PLA2G4D: variants seen among roughly 807,000 people sequenced by gnomAD.
PLA2G4D encodes cytosolic phospholipase A2 delta.
In PLA2G4D, 80 loss-of-function variants were observed where a neutral mutation model predicts 94.4. The observed-to-expected ratio is 0.85, with a 90% CI of 0.71 to 1.02. The LOEUF (loss-of-function observed/expected upper bound fraction) is 1.02. PLA2G4D is among the 50% of genes least tolerant of loss of function. The pLI, the probability that PLA2G4D is intolerant of heterozygous loss-of-function variation, is 0.00. For missense variants in PLA2G4D, 1,050 were observed against 1,034.7 expected (o/e 1.01, Z -0.20); for synonymous variants, 438 against 440.9 (o/e 0.99, Z 0.08).
Position 42,087,671 on chromosome 15 carries a change from T to C in PLA2G4D, c.75A>G (p.Thr25=). 1 of 1,614,166 alleles carries C rather than the reference T, an allele frequency of 6.2e-7. No homozygotes were observed. Among genetic ancestry groups the C allele is most frequent in the Non-Finnish European group, 8.5e-7 (1 of 1,180,022 alleles). ...GGTTCCGCGCCTCCAGGACCCTCAC[T>C]GTGAGCTGCCAGCAGGTAGAGGCCT... is the stretch of plus-strand genomic sequence containing the variant. ...QGEASTCWQL[T]VRVLEARNLR... Residue 25 remains threonine (T), a synonymous_variant, in exon 2 of 20, where the codon ACA becomes ACG. Transcript: ENST00000290472.
intron 13 of PLA2G4D, among the ~76,000 whole-genome samples, chr15:42,076,996 A>C (rs1280644917): frequency 6.6e-6 from 1 of 152,258 alleles, no homozygotes; most frequent in East Asian, 1.9e-4. Context: ...GAAACAGATA[A>C]ATTCCTGGAC....
intron 13 of PLA2G4D, among the ~76,000 whole-genome samples, chr15:42,078,378 T>G (rs982906506): frequency 1.3e-5 from 2 of 152,256 alleles, no homozygotes; most frequent in Non-Finnish European, 2.9e-5. Flanking sequence ...TAACTGTATC[T>G]GTAACATTTC....
chr15:42,071,971 C>T (rs1889833071), intron 14 of PLA2G4D, 60 bp from the exon 15 acceptor site: 1 of 1,576,902 alleles, frequency 6.3e-7, no homozygotes, highest in Admixed American at 1.8e-5. Flanking sequence ...GAGTCCCCAG[C>T]TCTGGCGAAA....
intron 13 of PLA2G4D, among the ~76,000 whole-genome samples, chr15:42,077,350 G>A (rs4924617): frequency 0.09 from 13,627 of 152,184 alleles, 707 homozygotes; most frequent in Middle Eastern, 0.13. Context: ...ACTATCATAC[G>A]AAATTCAGCA....
chr15:42,086,194 T>TTGGGGGGGGGGGCCCCC lies in PLA2G4D; in HGVS notation c.387+18_387+19insGGGGGCCCCCCCCCCCA. On this transcript the variant is annotated intron_variant, in intron 4 of 19. Coordinates refer to ENST00000290472, the MANE Select transcript of PLA2G4D (RefSeq NM_178034.4). ...GGAAGAAGTGGGGCCCACGGGGACT[T>TTGGGGGGGGGGGCCCCC]CCCCACCCACCCACCCACCTGGGGA... 7.3e-7 allele frequency: 1 copy of TTGGGGGGGGGGGCCCCC among 1,370,444 alleles called. No homozygotes were observed. Among genetic ancestry groups the TTGGGGGGGGGGGCCCCC allele is most frequent in the Non-Finnish European group, 9.6e-7 (1 of 1,043,084 alleles). 84.9% of individuals were successfully genotyped at this position (1,370,444 alleles called of 1,614,324 possible). A position where few individuals can be genotyped will look rare whatever the true frequency, so the allele number is the denominator to read the frequency against.
intron 19 of PLA2G4D, 94 bp from the exon 20 acceptor site, chr15:42,069,035 C>T (rs1445848981): frequency 1.9e-6 from 2 of 1,036,714 alleles, no homozygotes; most frequent in Admixed American, 2.3e-5. Context: ...GCTGGAGGGG[C>T]CCCTGCTTTC....
At chr15:42,088,739 G>T (rs544468220) in intron 1 of PLA2G4D, among the ~76,000 whole-genome samples, 2 of 152,114 alleles carry the variant, frequency 1.3e-5, no homozygotes, top group Non-Finnish European at 2.9e-5. Flanking sequence ...TATGAGGCAC[G>T]TGGCCCCAGC....
chr15:42,082,928 C>A (rs368417284), intron 8 of PLA2G4D, among the ~76,000 whole-genome samples: 3 of 152,140 alleles, frequency 2.0e-5, no homozygotes, highest in Non-Finnish European at 4.4e-5. Context: ...CTGTGCAGGG[C>A]CATGTGGGCA....
chr15:42,091,570 C>A (rs988412605), intron 1 of PLA2G4D, among the ~76,000 whole-genome samples: 8 of 141,718 alleles, frequency 5.6e-5, no homozygotes, highest in Non-Finnish European at 7.9e-5. Context: ...ACTTAGCAGA[C>A]CGGGAAAGGG....
chr15:42,093,919 G>A (rs1890291746), intron 1 of PLA2G4D, among the ~76,000 whole-genome samples: 1 of 152,176 alleles, frequency 6.6e-6, no homozygotes, highest in African/African-American at 2.4e-5. Flanking sequence ...AGAGGGTGGG[G>A]GGGTGGCGAG....
rs944268290 is a variant in PLA2G4D at position 42,084,427 on chromosome 15, G to A, written c.472-648C>T. Among the ~76,000 whole-genome samples the A allele has an allele frequency of 4.6e-5, 7 of 152,222 alleles. No homozygotes were observed. The South Asian group carries it at 8.3e-4, about 18-fold the overall frequency. Reference sequence around the variant, plus strand: ...ATGTGTATTTTTAAAAGTAATACCCGTCCATCAAACAGCCCCTAGGAGCTT... The same window carrying A: ...ATGTGTATTTTTAAAAGTAATACCCATCCATCAAACAGCCCCTAGGAGCTT... On this transcript the variant is annotated intron_variant, in intron 6 of 19. Coordinates refer to ENST00000290472, the MANE Select transcript of PLA2G4D (RefSeq NM_178034.4). The surrounding 1 kb of genome is among the most constrained non-coding windows in gnomAD (Gnocchi z 4.8).
chr15:42,081,932 T>TC (rs1890047175), intron 9 of PLA2G4D, 98 bp from the exon 10 acceptor site: 2 of 1,313,874 alleles, frequency 1.5e-6, no homozygotes, highest in East Asian at 4.9e-5. Context: ...TCATTCTTTT[T>TC]TTTTTTTTTT....
chr15:42,082,296 C>G lies in PLA2G4D; in HGVS notation c.766G>C (p.Asp256His), dbSNP rs746000920. ...CCACTTACATTTGGAGCAGGAACAT[C>G]CATAGTCACCTCCTTCCCAATGGTC... ...PLTIGKEVTMDVPAPNAPGVR... is the reference protein window; with the variant it reads ...PLTIGKEVTMHVPAPNAPGVR... The change falls in exon 9 of 20, where the codon GAT becomes CAT. Residue 256 changes from aspartate (D) to histidine (H), a missense_variant. Asp to His is a moderately conservative substitution (Grantham distance 81). Transcript: ENST00000290472. The G allele has an allele frequency of 1.2e-6, 2 of 1,613,878 alleles. No homozygotes were observed. The highest frequency in any genetic ancestry group is 1.3e-5 in the African/African-American group (1 of 74,932).
chr15:42,079,599 C>A lies in PLA2G4D; in HGVS notation c.1255G>T (p.Gly419Cys). Residue 419 changes from glycine (G) to cysteine (C), a missense_variant, in exon 13 of 20, where the codon GGC becomes TGC. Physicochemically the swap from Gly to Cys is radical, Grantham distance 159 (BLOSUM62 -3). Transcript: ENST00000290472. ...AGGTCCACAAAGGTCGTGGGGTGGC[C>A]CTGCTCAGCCCGCAGCTCCAGCTCC... ...RRELELRAEQ[G>C]HPTTFVDLWA... 1 of 1,610,248 alleles carries A rather than the reference C, an allele frequency of 6.2e-7. No individual in the cohort carries two copies. Among genetic ancestry groups the A allele is most frequent in the Non-Finnish European group, 8.5e-7 (1 of 1,178,896 alleles).
intron 1 of PLA2G4D, among the ~76,000 whole-genome samples, chr15:42,089,545 C>G (rs975441469): frequency 1.3e-5 from 2 of 152,212 alleles, no homozygotes; most frequent in Admixed American, 1.3e-4. Context: ...CATGTCAACT[C>G]TATAAACCTT....
At position 42,071,586 on chromosome 15, in the gene PLA2G4D, C is replaced by T. The variant is rs1267202143; in HGVS notation, c.1574-35G>A. ...ACCAAAAGAGATCAGCCTCAGGCCC[C>T]AGCCAGCGGCCCCACCCTCAGGTAC... On this transcript the variant is annotated intron_variant, in intron 15 of 19. Coordinates refer to ENST00000290472, the MANE Select transcript of PLA2G4D (RefSeq NM_178034.4). 1.9e-6 allele frequency: 3 copies of T among 1,578,648 alleles called. No homozygotes were observed. The African/African-American group carries it at 4.0e-5, about 21-fold the overall frequency.
intron 1 of PLA2G4D, among the ~76,000 whole-genome samples, chr15:42,090,071 G>T (rs935549268): frequency 3.9e-5 from 6 of 152,180 alleles, no homozygotes; most frequent in African/African-American, 1.4e-4. Context: ...CTTTACGGGG[G>T]CTTAAAGGCA....
rs776034188 is a variant in PLA2G4D at position 42,083,728 on chromosome 15, C to T, written c.523G>A (p.Ala175Thr). The T allele has an allele frequency of 1.8e-5, 29 of 1,613,886 alleles. No homozygotes were observed. The highest frequency in any genetic ancestry group is 5.5e-5 in the South Asian group (5 of 91,088). The part of the protein sequence containing the change: ...DVHLDSTGST[A>T]VVADQDKLEL... Reference sequence around the variant, plus strand: ...AAGCTGGTCTCACCTGCAACCACAGCGGTGCTCCCTGTGCTGTCCAGATGC... The same window carrying T: ...AAGCTGGTCTCACCTGCAACCACAGTGGTGCTCCCTGTGCTGTCCAGATGC... Residue 175 changes from alanine (A) to threonine (T), a missense_variant, in exon 7 of 20, where the codon GCT (alanine) becomes ACT (threonine). Physicochemically the swap from Ala to Thr is moderately conservative, Grantham distance 58. Coordinates refer to ENST00000290472, the MANE Select transcript of PLA2G4D (RefSeq NM_178034.4).
In PLA2G4D at chr15:42,067,085, T is replaced by C. The variant is rs933121921; in HGVS notation, c.*1630A>G. On this transcript the variant is annotated 3_prime_UTR_variant, in exon 20 of 20. Transcript: ENST00000290472. ...AGTGAAGAATCAAAATAAAGCCAAATGCAGAAGAGGCACAGGGAAGGAAGC... is the reference window on the plus strand; with the variant it reads ...AGTGAAGAATCAAAATAAAGCCAAACGCAGAAGAGGCACAGGGAAGGAAGC... 10 of 152,110 alleles carry C rather than the reference T, an allele frequency of 6.6e-5. No individual in the cohort carries two copies. Among genetic ancestry groups the C allele is most frequent in the African/African-American group, 2.4e-4 (10 of 41,396 alleles). The allele number at this position is 152,110 out of a possible 1,614,324, so 9.4% of individuals were successfully genotyped here.
Sources: gnomAD v4.1 joint callset for allele counts (sites outside exome capture counted in the v4.1 genomes callset) on GRCh38, gnomAD v4.1.1 for gene constraint, Gnocchi (gnomAD v3.1) non-coding constraint, MANE v1.5 for transcripts, NCBI Gene and HGNC (gene_info 2026-07-23, HGNC 2026-07-21) for gene names.